The following GSTA4 variants were observed in gnomAD, a reference collection of about 807,000 sequenced individuals.
The protein encoded by GSTA4 is glutathione S-transferase alpha 4, also known as glutathione S-transferase A4.
A neutral mutation model predicts 24.4 loss-of-function variants in GSTA4; 15 were observed. That is an observed-to-expected ratio of 0.61 (90% confidence interval 0.41 to 0.95). The LOEUF is 0.95. Ranked by LOEUF, GSTA4 falls within the 40% of genes least tolerant of loss-of-function variation. The pLI is 0.00. For missense variants in GSTA4, 244 were observed against 262.1 expected, an observed-to-expected ratio of 0.93 and a Z score of 0.48; for synonymous variants, 92 against 94.2, an observed-to-expected ratio of 0.98 and a Z score of 0.13.
chr6:52,990,546 G>A (rs1763643159), intron 2 of GSTA4, among the ~76,000 whole-genome samples: 1 of 152,204 alleles, frequency 6.6e-6, no homozygotes, highest in Non-Finnish European at 1.5e-5. Flanking sequence ...TTGGACTGGG[G>A]TAGGTGGGTC....
intron 6 of GSTA4, among the ~76,000 whole-genome samples, chr6:52,981,243 A>G (rs316142): frequency 0.016 from 2,498 of 152,328 alleles, 72 homozygotes; most frequent in African/African-American, 0.057. Flanking sequence ...ATATCAAAAT[A>G]TTTAATAGAC....
At chr6:52,987,918 T>C (rs1763593720) in intron 2 of GSTA4, 1 of 152,356 alleles carries the variant, frequency 6.6e-6, no homozygotes, top group Non-Finnish European at 1.5e-5. Flanking sequence ...ATATGTACAT[T>C]ATGCATCAAT....
In GSTA4 at chr6:52,989,931, C is replaced by T. The variant is rs559131244; in HGVS notation, c.88-2523G>A. On this transcript the variant is annotated intron_variant, in intron 2 of 6. Coordinates refer to ENST00000370963, the MANE Select transcript of GSTA4 (RefSeq NM_001512.4). Reference sequence around the variant, plus strand: ...CAATCACAGTTCACTGCAGCCTCAACCTCCTGGGCTCAAGGGATCCTGCCA... The same window carrying T: ...CAATCACAGTTCACTGCAGCCTCAATCTCCTGGGCTCAAGGGATCCTGCCA... Among the ~76,000 whole-genome samples the T allele has an allele frequency of 2.0e-5, 3 of 152,024 alleles. No individual in the cohort carries two copies. In the South Asian group the frequency reaches 6.2e-4, roughly 32 times the overall value.
chr6:52,981,822 GT>G (rs45482196), intron 6 of GSTA4, among the ~76,000 whole-genome samples: 7,052 of 151,628 alleles, frequency 0.047, 226 homozygotes, highest in Non-Finnish European at 0.068. Flanking sequence ...CATTAAATGA[GT>G]TTTTTTTTAA....
Position 52,978,441 on chromosome 6 carries a change from C to T in GSTA4, c.*29G>A. On this transcript the variant is annotated 3_prime_UTR_variant, in exon 7 of 7. Transcript: ENST00000370963. ...GTAGACAATACCATCTCTAGGAACACACTGTCACTCACACATGGATGTGTT... is the reference window on the plus strand; with the variant it reads ...GTAGACAATACCATCTCTAGGAACATACTGTCACTCACACATGGATGTGTT... 1 of 1,608,998 alleles carries T rather than the reference C, an allele frequency of 6.2e-7. No individual in the cohort carries two copies. Among genetic ancestry groups the T allele is most frequent in the Non-Finnish European group, 8.5e-7 (1 of 1,176,170 alleles).
intron 2 of GSTA4, 161 bp downstream of exon 2, chr6:52,993,996 A>G: frequency 1.4e-6 from 1 of 702,646 alleles, no homozygotes; most frequent in South Asian, 1.5e-5. Flanking sequence ...CGTTCTAATT[A>G]TAAAGAAAAA....
chr6:52,981,083 C>T (rs1319826112), intron 6 of GSTA4, among the ~76,000 whole-genome samples: 1 of 151,574 alleles, frequency 6.6e-6, no homozygotes, highest in Non-Finnish European at 1.5e-5. Flanking sequence ...GAAAGTCAAT[C>T]TCTGTGTCTG....
chr6:52,982,650 T>C lies in GSTA4; in HGVS notation c.470A>G (p.Asp157Gly). The C allele has an allele frequency of 1.2e-6, 2 of 1,610,534 alleles. No homozygotes were observed. Among genetic ancestry groups the C allele is most frequent in the Non-Finnish European group, 1.7e-6 (2 of 1,176,816 alleles). The stretch of plus-strand genomic sequence containing the variant: ...TAAAATGGTTTGGAGTAAAATCACA[T>C]CTGCAAGGCTCAGCTGATTACCAAC... The part of the protein sequence containing the change: ...FLVGNQLSLA[D>G]VILLQTILAL... The change falls in exon 6 of 7, where the codon GAT (aspartate) becomes GGT (glycine). Residue 157 changes from aspartate (D) to glycine (G), a missense_variant. Transcript: ENST00000370963.
chr6:52,979,156 T>G (rs1353045693), intron 6 of GSTA4, among the ~76,000 whole-genome samples: 2 of 152,226 alleles, frequency 1.3e-5, no homozygotes, highest in Admixed American at 1.3e-4. Context: ...TTGTATTGTT[T>G]TTTAACAGTA....
intron 6 of GSTA4, among the ~76,000 whole-genome samples, chr6:52,981,168 T>C (rs1763445915): frequency 6.6e-6 from 1 of 152,242 alleles, no homozygotes; most frequent in Non-Finnish European, 1.5e-5. Context: ...TATTGCCTTG[T>C]TGAAGATTTT....
intron 2 of GSTA4, among the ~76,000 whole-genome samples, chr6:52,992,917 A>T (rs1408203706): frequency 6.6e-6 from 1 of 152,138 alleles, no homozygotes; most frequent in Non-Finnish European, 1.5e-5. Context: ...CCTGGCCAAC[A>T]TGGAGAAACC....
chr6:52,994,499 C>G, intron 1 of GSTA4: 1 of 436,060 alleles, frequency 2.3e-6, no homozygotes, highest in Non-Finnish European at 4.1e-6. Context: ...TCTTGGGAAG[C>G]TGGGGCCATT....
At chr6:52,981,781 G>A (rs910375411) in intron 6 of GSTA4, among the ~76,000 whole-genome samples, 2 of 151,982 alleles carry the variant, frequency 1.3e-5, no homozygotes, top group African/African-American at 4.8e-5. Flanking sequence ...CTTTATTCTG[G>A]GTCTCTACTT....
chr6:52,978,348 C>T lies in GSTA4; in HGVS notation c.*122G>A. On this transcript the variant is annotated 3_prime_UTR_variant, in exon 7 of 7. Transcript: ENST00000370963. ...AGATGATCTCGTTGACACAAAAGAC[C>T]CAACTTAGGACCCAACTTAATACAT... is the stretch of plus-strand genomic sequence containing the variant. The T allele has an allele frequency of 1.0e-6, 1 of 953,490 alleles. No individual in the cohort carries two copies. The highest frequency in any genetic ancestry group is 1.6e-5 in the South Asian group (1 of 63,564). 59.1% of individuals were successfully genotyped at this position (953,490 alleles called of 1,614,324 possible).
At chr6:52,979,184 G>C (rs976866991) in intron 6 of GSTA4, among the ~76,000 whole-genome samples, 5 of 152,162 alleles carry the variant, frequency 3.3e-5, no homozygotes, top group African/African-American at 4.8e-5. Context: ...TGAAGCAGTG[G>C]GAGTGGGGAA....
intron 1 of GSTA4, 107 bp from the exon 2 acceptor site, chr6:52,994,368 CTG>C (rs1360922478): frequency 1.2e-5 from 7 of 567,752 alleles, no homozygotes; most frequent in Admixed American, 3.0e-5. Context: ...GCACGGGAAA[CTG>C]TTCTTTATTT....
At chr6:52,987,438 A>G in intron 2 of GSTA4, 30 bp from the exon 3 acceptor site, 1 of 1,140,342 alleles carries the variant, frequency 8.8e-7, no homozygotes, top group Non-Finnish European at 1.3e-6. Flanking sequence ...ACGTATATAT[A>G]CATAGTGGAA....
chr6:52,989,492 A>G (rs1763625040), intron 2 of GSTA4, among the ~76,000 whole-genome samples: 1 of 152,212 alleles, frequency 6.6e-6, no homozygotes, highest in South Asian at 2.1e-4. Context: ...AGGAAGGGAG[A>G]AAGCAAATGT....
At chr6:52,983,907 T>C (rs551838331) in intron 5 of GSTA4, among the ~76,000 whole-genome samples, 1 of 152,318 alleles carries the variant, frequency 6.6e-6, no homozygotes, top group South Asian at 2.1e-4. Context: ...CACCCTCTTC[T>C]TTAGTGTTTG....
Sources: gnomAD v4.1 joint callset for allele counts (sites outside exome capture counted in the v4.1 genomes callset) on GRCh38, gnomAD v4.1.1 for gene constraint, MANE v1.5 for transcripts, NCBI Gene and HGNC (gene_info 2026-07-23, HGNC 2026-07-21) for gene names.